THEMIS: variants seen among roughly 807,000 people sequenced by gnomAD.
THEMIS encodes the protein thymocyte selection associated.
In THEMIS, 37 loss-of-function variants were observed where a neutral mutation model predicts 52.6. That is an observed-to-expected ratio of 0.70 (90% confidence interval 0.54 to 0.93). The LOEUF is 0.93. THEMIS is among the 40% of genes least tolerant of loss of function. The pLI is 0.00. For missense variants in THEMIS, 808 were observed against 763.1 expected, an observed-to-expected ratio of 1.06 and a Z score of -0.69; for synonymous variants, 292 against 272.7, an observed-to-expected ratio of 1.07 and a Z score of -0.70.
chr6:127,831,405 C>G (rs905870116), intron 2 of THEMIS, among the ~76,000 whole-genome samples: 1 of 151,992 alleles, frequency 6.6e-6, no homozygotes, highest in African/African-American at 2.4e-5. Context: ...GCTTTCTTAA[C>G]CCAAAAGTAA....
chr6:127,764,147 CTGAG>C (rs1443711978), intron 4 of THEMIS, among the ~76,000 whole-genome samples: 2 of 151,940 alleles, frequency 1.3e-5, no homozygotes, highest in South Asian at 2.1e-4. Context: ...GCAATATTTA[CTGAG>C]TGTTTACTAG....
chr6:127,719,780 G>A lies in THEMIS; in HGVS notation c.1802C>T (p.Ala601Val), dbSNP rs139053644. 106 of 1,612,280 alleles carry A rather than the reference G, an allele frequency of 6.6e-5. No individual in the cohort carries two copies. The African/African-American group carries it at 1.3e-3, about 19-fold the overall frequency. ...DITKKLHPNQ[A>V]GLDSKVLIGS... Reference sequence around the variant, plus strand: ...AATCAGTACTTTTGAATCCAGGCCAGCTTGATTTGGGTGAAGTTTCTTGGT... The same window carrying A: ...AATCAGTACTTTTGAATCCAGGCCAACTTGATTTGGGTGAAGTTTCTTGGT... Residue 601 changes from alanine to valine, a missense_variant, in exon 5 of 6, where the codon GCT (alanine) becomes GTT (valine). Ala to Val is a moderately conservative substitution (Grantham distance 64). Coordinates refer to ENST00000368248, the MANE Select transcript of THEMIS (RefSeq NM_001010923.3).
intron 1 of THEMIS, among the ~76,000 whole-genome samples, chr6:127,869,389 T>C (rs112796887): frequency 0.021 from 3,217 of 152,308 alleles, 66 homozygotes; most frequent in Non-Finnish European, 0.031. Flanking sequence ...GCCTTCATGA[T>C]CATGTAACTG....
intron 1 of THEMIS, among the ~76,000 whole-genome samples, chr6:127,878,622 T>C (rs1288991069): frequency 3.3e-5 from 5 of 152,158 alleles, no homozygotes; most frequent in Non-Finnish European, 5.9e-5. Flanking sequence ...ACAAAATGGA[T>C]TCTGGTCAGT....
At chr6:127,768,160 A>G (rs537553907) in intron 4 of THEMIS, among the ~76,000 whole-genome samples, 28 of 152,354 alleles carry the variant, frequency 1.8e-4, no homozygotes, top group African/African-American at 6.7e-4. Flanking sequence ...CTAGATATTT[A>G]ATAATTTTTA....
intron 3 of THEMIS, among the ~76,000 whole-genome samples, chr6:127,818,602 A>G (rs1010687963): frequency 6.6e-6 from 1 of 151,882 alleles, no homozygotes; most frequent in Non-Finnish European, 1.5e-5. Flanking sequence ...AAAAAACTAC[A>G]ACATATATTA....
At chr6:127,723,154 A>G (rs765200726) in intron 4 of THEMIS, among the ~76,000 whole-genome samples, 3 of 151,946 alleles carry the variant, frequency 2.0e-5, no homozygotes, top group Non-Finnish European at 4.4e-5. Flanking sequence ...CCTCACTGGG[A>G]TCTGAGATCC....
intron 4 of THEMIS, among the ~76,000 whole-genome samples, chr6:127,730,083 A>G (rs1378111693): frequency 1.3e-5 from 2 of 151,966 alleles, no homozygotes; most frequent in Non-Finnish European, 2.9e-5. Context: ...AAGCCTGAGC[A>G]ATATAGTGAG....
At chr6:127,877,168 T>C (rs889081184) in intron 1 of THEMIS, among the ~76,000 whole-genome samples, 1 of 152,222 alleles carries the variant, frequency 6.6e-6, no homozygotes, top group Non-Finnish European at 1.5e-5. Context: ...TGCCTTGATG[T>C]TGACGGCCTT....
intron 1 of THEMIS, among the ~76,000 whole-genome samples, chr6:127,864,416 T>A (rs150968790): frequency 6.1e-4 from 93 of 152,190 alleles, no homozygotes; most frequent in African/African-American, 2.1e-3. Flanking sequence ...TTGAGGAAGG[T>A]CATAGAATTT....
chr6:127,842,669 A>T (rs950761385), intron 2 of THEMIS, among the ~76,000 whole-genome samples: 4 of 151,976 alleles, frequency 2.6e-5, no homozygotes, highest in Admixed American at 2.6e-4. Flanking sequence ...CTCCCCAGAG[A>T]CATTCTAGGA....
intron 4 of THEMIS, among the ~76,000 whole-genome samples, chr6:127,729,214 CCA>C (rs895539572): frequency 2.2e-5 from 3 of 138,092 alleles, no homozygotes; most frequent in African/African-American, 8.1e-5. Flanking sequence ...TCACTCATCC[CCA>C]GAGGTAGCAA....
chr6:127,791,912 C>A (rs1231057975), intron 4 of THEMIS, among the ~76,000 whole-genome samples: 1 of 152,310 alleles, frequency 6.6e-6, no homozygotes, highest in East Asian at 1.9e-4. Flanking sequence ...TGGGAATGGG[C>A]AGAGGTCAGG....
At chr6:127,788,518 C>G (rs1037408986) in intron 4 of THEMIS, among the ~76,000 whole-genome samples, 3 of 152,118 alleles carry the variant, frequency 2.0e-5, no homozygotes, top group Non-Finnish European at 1.5e-5. Context: ...TAATTATTAC[C>G]TTAATTAAAA....
intron 2 of THEMIS, among the ~76,000 whole-genome samples, chr6:127,843,094 TA>T (rs1779103282): frequency 6.6e-6 from 1 of 152,008 alleles, no homozygotes; most frequent in Non-Finnish European, 1.5e-5. Context: ...CTATGAAACA[TA>T]TGAAAGAAAT....
At chr6:127,786,209 A>C (rs1776943380) in intron 4 of THEMIS, among the ~76,000 whole-genome samples, 1 of 152,208 alleles carries the variant, frequency 6.6e-6, no homozygotes, top group African/African-American at 2.4e-5. Flanking sequence ...AACAGAAAGC[A>C]AAATTACCCT....
chr6:127,867,289 C>T (rs902564449), intron 1 of THEMIS, among the ~76,000 whole-genome samples: 1 of 152,032 alleles, frequency 6.6e-6, no homozygotes, highest in Non-Finnish European at 1.5e-5. Context: ...AAACCTAGTT[C>T]CACTGCTAAA....
intron 1 of THEMIS, among the ~76,000 whole-genome samples, chr6:127,865,338 G>C (rs270044): frequency 0.36 from 54,642 of 151,926 alleles, 10,587 homozygotes; most frequent in Middle Eastern, 0.47. Context: ...GGGTTTATAA[G>C]GTATCTCTAA....
intron 4 of THEMIS, among the ~76,000 whole-genome samples, chr6:127,739,524 G>A (rs1391866746): frequency 1.3e-5 from 2 of 151,922 alleles, no homozygotes; most frequent in Admixed American, 6.6e-5. Context: ...GCCTGTAGTC[G>A]CAGCTGCTAG....
Sources: allele counts gnomAD v4.1 joint callset (sites outside exome capture counted in the v4.1 genomes callset), GRCh38; gene constraint gnomAD v4.1.1; transcripts MANE v1.5; gene names NCBI Gene and HGNC (gene_info 2026-07-23, HGNC 2026-07-21).